The following HM13 variants were observed in gnomAD, a reference collection of about 807,000 sequenced individuals.
HM13 encodes signal peptide peptidase.
A neutral mutation model predicts 50.0 loss-of-function variants in HM13; 18 were observed. That is an observed-to-expected ratio of 0.36 (90% CI 0.25 to 0.53). HM13 has a LOEUF of 0.53. HM13 is among the 20% of genes least tolerant of loss of function. The pLI is 0.90. For missense variants in HM13, 393 were observed against 552.4 expected (o/e 0.71, Z 2.89); for synonymous variants, 197 against 232.6 (o/e 0.85, Z 1.39).
At chr20:31,534,754 C>T (rs1212180483) in intron 2 of HM13, among the ~76,000 whole-genome samples, 1 of 151,194 alleles carries the variant, frequency 6.6e-6, no homozygotes, top group Non-Finnish European at 1.5e-5. Flanking sequence ...TGCACTCCAG[C>T]CTAGGCAACA....
chr20:31,550,012 C>A, intron 6 of HM13, 52 bp from the exon 7 acceptor site: 1 of 1,330,332 alleles, frequency 7.5e-7, no homozygotes, highest in Non-Finnish European at 1.1e-6. Flanking sequence ...AGCCATTCTT[C>A]CCCCCACAGC....
At chr20:31,518,287 G>A (rs1485962743) in intron 1 of HM13, among the ~76,000 whole-genome samples, 1 of 150,372 alleles carries the variant, frequency 6.7e-6, no homozygotes, top group Admixed American at 6.6e-5. Context: ...CACCCTCCTC[G>A]GCCTCCCAAA....
intron 1 of HM13, among the ~76,000 whole-genome samples, chr20:31,523,173 C>A (rs1982280368): frequency 6.6e-6 from 1 of 151,918 alleles, no homozygotes; most frequent in African/African-American, 2.4e-5. Flanking sequence ...GCCTCAACCT[C>A]CTGAGTAGCT....
intron 1 of HM13, among the ~76,000 whole-genome samples, chr20:31,520,909 C>T (rs1188711000): frequency 6.6e-6 from 1 of 152,182 alleles, no homozygotes; most frequent in Non-Finnish European, 1.5e-5. Flanking sequence ...AGCAGTGCTC[C>T]GAGAGCTTGA....
chr20:31,529,083 C>T (rs1416840528), intron 2 of HM13, among the ~76,000 whole-genome samples: 2 of 152,210 alleles, frequency 1.3e-5, no homozygotes, highest in African/African-American at 4.8e-5. Flanking sequence ...TCACTGCAAC[C>T]TCAATTCCTG....
At chr20:31,561,237 C>G (rs1287815176) in intron 9 of HM13, among the ~76,000 whole-genome samples, 1 of 152,184 alleles carries the variant, frequency 6.6e-6, no homozygotes, top group Non-Finnish European at 1.5e-5. Context: ...ATGCAGATTC[C>G]TGGGCCCTGC....
chr20:31,534,565 T>G (rs1568785728), intron 2 of HM13, among the ~76,000 whole-genome samples: 1 of 147,192 alleles, frequency 6.8e-6, no homozygotes, highest in Non-Finnish European at 1.5e-5. Context: ...AGCAGATCGT[T>G]TGAGCCCAGG....
chr20:31,530,302 A>G (rs1213746611), intron 2 of HM13, among the ~76,000 whole-genome samples: 3 of 152,190 alleles, frequency 2.0e-5, no homozygotes, highest in Admixed American at 6.5e-5. Context: ...TCTGTCATGC[A>G]TAAATCTATA....
chr20:31,564,332 G>A (rs1018911517), intron 10 of HM13, among the ~76,000 whole-genome samples: 4 of 151,972 alleles, frequency 2.6e-5, no homozygotes, highest in Non-Finnish European at 5.9e-5. Flanking sequence ...ATCCCAGCAC[G>A]TTGGGAGGCA....
At chr20:31,544,539 GA>G (rs542743019) in intron 3 of HM13, among the ~76,000 whole-genome samples, 1 of 152,210 alleles carries the variant, frequency 6.6e-6, no homozygotes, top group Non-Finnish European at 1.5e-5. Flanking sequence ...CATCTAACTT[GA>G]TAGGTTTGGA....
At chr20:31,546,335 C>T (rs895166346) in intron 4 of HM13, among the ~76,000 whole-genome samples, 2 of 152,098 alleles carry the variant, frequency 1.3e-5, no homozygotes, top group Admixed American at 1.3e-4. Flanking sequence ...CGCGCCCGGC[C>T]GTAGCACTCT....
Position 31,569,147 on chromosome 20 carries a change from A to C in HM13, c.1209A>C (p.Pro403=). The C allele has an allele frequency of 6.3e-7, 1 of 1,590,220 alleles. No individual in the cohort carries two copies. The highest frequency in any genetic ancestry group is 1.7e-5 in the Admixed American group (1 of 57,278). The change falls in exon 13 of 13, where the codon CCA becomes CCC. Residue 403 remains proline, a synonymous_variant. Transcript: ENST00000398174. ...ATGAGGAGTCAAATCCTAAGGATCC[A>C]GCGGCAGTGACAGAATCCAAAGAGG... ...AIYEESNPKD[P]AAVTESKEGT...
intron 2 of HM13, chr20:31,535,440 G>T (rs1983054230): frequency 6.6e-6 from 1 of 152,188 alleles, no homozygotes; most frequent in Non-Finnish European, 1.5e-5. Flanking sequence ...TTGTGGCTCT[G>T]GCTTTTTAGC....
chr20:31,553,143 A>G (rs1984117117), intron 7 of HM13, among the ~76,000 whole-genome samples: 1 of 151,668 alleles, frequency 6.6e-6, no homozygotes, highest in South Asian at 2.1e-4. Flanking sequence ...TAAAAATACA[A>G]AAATTAGCCA....
intron 2 of HM13, among the ~76,000 whole-genome samples, chr20:31,537,317 G>A (rs1983170122): frequency 6.6e-6 from 1 of 152,268 alleles, no homozygotes; most frequent in South Asian, 2.1e-4. Flanking sequence ...AGGCCAACAG[G>A]TGGATGTGAG....
intron 3 of HM13, chr20:31,539,051 C>T (rs1285368307): frequency 3.0e-6 from 3 of 984,362 alleles, no homozygotes; most frequent in Admixed American, 1.2e-4. Context: ...AGGTGTGGCT[C>T]CAGAGCCCAT....
intron 3 of HM13, chr20:31,539,040 C>T: frequency 1.0e-6 from 1 of 977,228 alleles, no homozygotes; most frequent in Non-Finnish European, 1.2e-6. Context: ...GATTCAAACC[C>T]AGGTGTGGCT....
At chr20:31,567,305 A>C (rs1424851820) in intron 11 of HM13, among the ~76,000 whole-genome samples, 1 of 152,088 alleles carries the variant, frequency 6.6e-6, no homozygotes. Context: ...CATCCAGCCC[A>C]GGTTTCCCTG....
intron 9 of HM13, among the ~76,000 whole-genome samples, chr20:31,560,267 G>A (rs990010163): frequency 6.6e-6 from 1 of 152,200 alleles, no homozygotes; most frequent in Non-Finnish European, 1.5e-5. Context: ...AGCAGGGGGC[G>A]CCAGCAACAG....
Sources: gnomAD v4.1 joint callset for allele counts (sites outside exome capture counted in the v4.1 genomes callset) on GRCh38, gnomAD v4.1.1 for gene constraint, MANE v1.5 for transcripts, NCBI Gene and HGNC (gene_info 2026-07-23, HGNC 2026-07-21) for gene names.